The following TMEM132C variants were observed in gnomAD, a reference collection of about 807,000 sequenced individuals.
The protein encoded by TMEM132C is transmembrane protein 132C.
Under a neutral mutation model 61.4 loss-of-function variants are expected in TMEM132C, and 29 were observed. The observed-to-expected ratio is 0.47, with a 90% CI of 0.35 to 0.64. The LOEUF (loss-of-function observed/expected upper bound fraction) is 0.64. TMEM132C is among the 30% of genes least tolerant of loss of function. TMEM132C has a pLI of 0.00. For missense variants in TMEM132C, 1,408 were observed against 1,476.9 expected (o/e 0.95, Z 0.76); for synonymous variants, 656 against 633.1 (o/e 1.04, Z -0.54).
chr12:128,613,773 G>A (rs1344312187), intron 3 of TMEM132C, among the ~76,000 whole-genome samples: 1 of 152,186 alleles, frequency 6.6e-6, no homozygotes, highest in Non-Finnish European at 1.5e-5. Context: ...GTGGTGGAGA[G>A]TTAGTGCTCT....
At chr12:128,466,717 C>T (rs1870748935) in intron 2 of TMEM132C, among the ~76,000 whole-genome samples, 1 of 152,114 alleles carries the variant, frequency 6.6e-6, no homozygotes, top group South Asian at 2.1e-4. Context: ...AGGGTTTCAC[C>T]ATGTTGCCCA....
chr12:128,363,907 G>A (rs547225022), intron 1 of TMEM132C, among the ~76,000 whole-genome samples: 2 of 151,766 alleles, frequency 1.3e-5, no homozygotes, highest in Non-Finnish European at 2.9e-5. Context: ...CAGCGTGGTG[G>A]GGCAGCTGGA....
chr12:128,475,722 G>T (rs1334116676), intron 2 of TMEM132C, among the ~76,000 whole-genome samples: 1 of 152,124 alleles, frequency 6.6e-6, no homozygotes, highest in Non-Finnish European at 1.5e-5. Context: ...CGCAATATTT[G>T]CTGGTCCCTT....
At chr12:128,461,020 T>A (rs565850631) in intron 2 of TMEM132C, among the ~76,000 whole-genome samples, 1 of 152,248 alleles carries the variant, frequency 6.6e-6, no homozygotes, top group Admixed American at 6.5e-5. Flanking sequence ...TGTTGTTTTT[T>A]AAAAGAAAGT....
chr12:128,567,291 C>A (rs1874734247), intron 3 of TMEM132C, among the ~76,000 whole-genome samples: 1 of 152,098 alleles, frequency 6.6e-6, no homozygotes. Flanking sequence ...AAGAACCTAG[C>A]AAACTAGGAG....
chr12:128,543,450 A>G (rs1403729648), intron 2 of TMEM132C, among the ~76,000 whole-genome samples: 2 of 152,140 alleles, frequency 1.3e-5, no homozygotes, highest in African/African-American at 2.4e-5. Flanking sequence ...TCCTAGTAGT[A>G]TTGACACTGT....
At chr12:128,582,133 A>T (rs1875359504) in intron 3 of TMEM132C, among the ~76,000 whole-genome samples, 1 of 152,220 alleles carries the variant, frequency 6.6e-6, no homozygotes, top group Admixed American at 6.5e-5. Flanking sequence ...ACAGACAAGG[A>T]ATAGTATCGA....
At chr12:128,419,442 A>G (rs971602401) in intron 2 of TMEM132C, among the ~76,000 whole-genome samples, 1 of 152,182 alleles carries the variant, frequency 6.6e-6, no homozygotes, top group African/African-American at 2.4e-5. Context: ...AATGCTAGAC[A>G]CTAAGCACCA....
At chr12:128,292,418 GGTTT>G (rs1315554598) in intron 1 of TMEM132C, among the ~76,000 whole-genome samples, 4 of 152,140 alleles carry the variant, frequency 2.6e-5, no homozygotes, top group Non-Finnish European at 4.4e-5. Flanking sequence ...GTAAGAAATG[GGTTT>G]GTCAATGGTT....
At chr12:128,616,089 A>G in intron 3 of TMEM132C, 63 bp from the exon 4 acceptor site, 2 of 1,512,698 alleles carry the variant, frequency 1.3e-6, no homozygotes, top group South Asian at 2.5e-5. Flanking sequence ...GCGTACTATT[A>G]TGAGGAGAGA....
rs150306868 is a variant in TMEM132C, at chr12:128,491,041, G to C, written c.975-52916G>C. On this transcript the variant is annotated intron_variant, in intron 2 of 8. Transcript: ENST00000435159. ...TCATTCAAGGTGTAGAGTGAGTAAG[G>C]AGTGGAGTTGAGATTTCAGCCCAGC... 4.6e-5 allele frequency among the ~76,000 whole-genome samples: 7 copies of C among 152,178 alleles called. No individual in the cohort carries two copies. In the East Asian group the frequency reaches 1.4e-3, roughly 30 times the overall value.
At chr12:128,685,223 T>C (rs1275646663) in intron 5 of TMEM132C, among the ~76,000 whole-genome samples, 2 of 152,172 alleles carry the variant, frequency 1.3e-5, no homozygotes, top group Non-Finnish European at 2.9e-5. Flanking sequence ...GGGGAAGCCA[T>C]GTAAAAGGCC....
intron 4 of TMEM132C, among the ~76,000 whole-genome samples, chr12:128,648,313 AAGTG>A (rs1197973848): frequency 6.7e-6 from 1 of 149,200 alleles, no homozygotes; most frequent in East Asian, 2.0e-4. Context: ...TTAGCATTGG[AAGTG>A]AGTGTGTTTA....
rs1483547636 is a variant in TMEM132C, at chr12:128,682,388, C to G, written c.1450-11441C>G. On this transcript the variant is annotated intron_variant, in intron 5 of 8. Transcript: ENST00000435159. ...AGGGGAATAGCCCATGTCAGCCCCACCCATGAATGGGTTTTCCTTGATGAC... is the reference window on the plus strand; with the variant it reads ...AGGGGAATAGCCCATGTCAGCCCCAGCCATGAATGGGTTTTCCTTGATGAC... Among the ~76,000 whole-genome samples the G allele has an allele frequency of 2.6e-5, 4 of 152,236 alleles. No individual in the cohort carries two copies. The East Asian group carries it at 7.7e-4, about 29-fold the overall frequency.
At chr12:128,690,502 T>C (rs1336733535) in intron 5 of TMEM132C, among the ~76,000 whole-genome samples, 1 of 152,144 alleles carries the variant, frequency 6.6e-6, no homozygotes, top group Non-Finnish European at 1.5e-5. Context: ...CTCTTAATTA[T>C]TTATATATTC....
At chr12:128,485,010 A>C (rs1593070025) in intron 2 of TMEM132C, among the ~76,000 whole-genome samples, 1 of 152,020 alleles carries the variant, frequency 6.6e-6, no homozygotes, top group East Asian at 1.9e-4. Flanking sequence ...GAAGGAAGGA[A>C]GGTTGGTTGG....
Position 128,706,998 on chromosome 12 carries a change from G to C in TMEM132C, c.*703G>C, listed in dbSNP as rs925960673. On this transcript the variant is annotated 3_prime_UTR_variant, in exon 9 of 9. Coordinates refer to ENST00000435159, the MANE Select transcript of TMEM132C (RefSeq NM_001136103.3). ...AAATTATATTCCTATTCATTAGATA[G>C]GTTCCTAGGAACAATGCCAATTAAT... The C allele has an allele frequency of 2.6e-5, 4 of 152,034 alleles. No homozygotes were observed. Among genetic ancestry groups the C allele is most frequent in the African/African-American group, 4.8e-5 (2 of 41,358 alleles). 9.4% of individuals were successfully genotyped at this position (152,034 alleles called of 1,614,324 possible).
intron 3 of TMEM132C, among the ~76,000 whole-genome samples, chr12:128,611,497 C>T (rs1328648564): frequency 6.6e-6 from 1 of 152,156 alleles, no homozygotes; most frequent in African/African-American, 2.4e-5. Context: ...GGGACTGGCT[C>T]CAGCCCCATG....
chr12:128,560,313 G>C (rs912075162), intron 3 of TMEM132C, among the ~76,000 whole-genome samples: 3 of 152,098 alleles, frequency 2.0e-5, no homozygotes, highest in African/African-American at 7.2e-5. Flanking sequence ...CCCAAGCTTG[G>C]TTGTGGCCTG....
Sources: allele counts gnomAD v4.1 joint callset (sites outside exome capture counted in the v4.1 genomes callset), GRCh38; gene constraint gnomAD v4.1.1; transcripts MANE v1.5; gene names NCBI Gene and HGNC (gene_info 2026-07-23, HGNC 2026-07-21).